The following FNDC3B variants were observed in gnomAD, a reference collection of about 807,000 sequenced individuals.
FNDC3B encodes the protein fibronectin type III domain-containing protein 3B.
In FNDC3B, 12 loss-of-function variants were observed where a neutral mutation model predicts 151.5. The ratio of observed to expected loss-of-function variants is 0.08; its 90% CI spans 0.05 to 0.13. The LOEUF is 0.13. Ranked by LOEUF, FNDC3B falls within the 10% of genes least tolerant of loss-of-function variation. The pLI is 1.00. For synonymous variants in FNDC3B, 528 were observed against 549.0 expected (o/e 0.96, Z 0.54); for missense variants, 1,214 against 1,505.3 (o/e 0.81, Z 3.20).
At chr3:172,107,731 C>G (rs1189658555) in intron 1 of FNDC3B, among the ~76,000 whole-genome samples, 2 of 152,092 alleles carry the variant, frequency 1.3e-5, no homozygotes, top group Admixed American at 6.6e-5. Flanking sequence ...GAAGACTGCA[C>G]AAAGCGCACG....
At chr3:172,145,962 C>T (rs984742979) in intron 3 of FNDC3B, among the ~76,000 whole-genome samples, 1 of 151,784 alleles carries the variant, frequency 6.6e-6, no homozygotes, top group Non-Finnish European at 1.5e-5. Context: ...TACAGGCATG[C>T]GCCACCACGC....
At chr3:172,394,215 G>A (rs534394718) in intron 25 of FNDC3B, among the ~76,000 whole-genome samples, 4 of 148,512 alleles carry the variant, frequency 2.7e-5, no homozygotes, top group Non-Finnish European at 3.0e-5. Flanking sequence ...AGATCCCAAC[G>A]TAACATTATA....
chr3:172,178,683 G>T (rs1428596745), intron 3 of FNDC3B, among the ~76,000 whole-genome samples: 1 of 152,172 alleles, frequency 6.6e-6, no homozygotes, highest in Non-Finnish European at 1.5e-5. Flanking sequence ...ACATTCTTGA[G>T]ATTTTATTAT....
chr3:172,290,503 T>G (rs1730271459), intron 7 of FNDC3B, among the ~76,000 whole-genome samples: 1 of 152,130 alleles, frequency 6.6e-6, no homozygotes, highest in Non-Finnish European at 1.5e-5. Flanking sequence ...CCTTCTCTGG[T>G]GGTGGTGCTA....
chr3:172,371,576 C>G (rs1461030871), intron 23 of FNDC3B, among the ~76,000 whole-genome samples: 2 of 152,216 alleles, frequency 1.3e-5, no homozygotes, highest in Non-Finnish European at 2.9e-5. Context: ...TTTAATGACC[C>G]ACCCAACCTT....
chr3:172,358,404 T>C (rs554796208), intron 22 of FNDC3B, among the ~76,000 whole-genome samples: 7 of 152,372 alleles, frequency 4.6e-5, no homozygotes, highest in East Asian at 1.9e-4. Flanking sequence ...TCAATGTGTG[T>C]AGTGATGGTT....
chr3:172,342,457 C>T (rs1252425791), intron 17 of FNDC3B, among the ~76,000 whole-genome samples: 1 of 152,180 alleles, frequency 6.6e-6, no homozygotes, highest in Non-Finnish European at 1.5e-5. Context: ...GATTTTCTCC[C>T]GTCTCAGGAA....
chr3:172,192,249 T>C (rs1029514804), intron 3 of FNDC3B, among the ~76,000 whole-genome samples: 1 of 150,162 alleles, frequency 6.7e-6, no homozygotes, highest in Non-Finnish European at 1.5e-5. Context: ...CTTGGCTCAC[T>C]GCAACCTCCG....
At chr3:172,295,665 C>T (rs1730566776) in intron 8 of FNDC3B, 151 bp downstream of exon 8, 2 of 690,194 alleles carry the variant, frequency 2.9e-6, no homozygotes, top group Admixed American at 3.0e-5. Flanking sequence ...GCTAAGAATT[C>T]ATTGTGTCCA....
intron 6 of FNDC3B, among the ~76,000 whole-genome samples, chr3:172,256,036 C>A (rs1201427521): frequency 6.6e-6 from 1 of 152,246 alleles, no homozygotes; most frequent in Non-Finnish European, 1.5e-5. Flanking sequence ...TTAAATAGAT[C>A]TCAACATTTT....
chr3:172,150,009 G>A (rs1722139272), intron 3 of FNDC3B, among the ~76,000 whole-genome samples: 1 of 151,724 alleles, frequency 6.6e-6, no homozygotes, highest in South Asian at 2.1e-4. Context: ...AGTAGAGACA[G>A]GGTTTCACCA....
intron 6 of FNDC3B, among the ~76,000 whole-genome samples, chr3:172,262,470 G>A (rs1728694030): frequency 6.6e-6 from 1 of 152,206 alleles, no homozygotes; most frequent in Non-Finnish European, 1.5e-5. Flanking sequence ...GAAGTCTTAA[G>A]TAGAACTTTG....
intron 25 of FNDC3B, among the ~76,000 whole-genome samples, chr3:172,390,556 A>G (rs574010048): frequency 1.3e-5 from 2 of 151,132 alleles, no homozygotes; most frequent in East Asian, 3.9e-4. Context: ...TTTTTTTTAA[A>G]TCTTAACCAG....
intron 3 of FNDC3B, among the ~76,000 whole-genome samples, chr3:172,193,712 G>A (rs1299150839): frequency 1.3e-5 from 2 of 151,888 alleles, no homozygotes; most frequent in Non-Finnish European, 2.9e-5. Flanking sequence ...ACTCCATGTT[G>A]GAAGGGACCT....
At chr3:172,121,007 T>G (rs1720517364) in intron 2 of FNDC3B, among the ~76,000 whole-genome samples, 1 of 152,052 alleles carries the variant, frequency 6.6e-6, no homozygotes, top group Admixed American at 6.5e-5. Flanking sequence ...ATGTTAACAC[T>G]GGGCTGGTCC....
chr3:172,127,315 A>T (rs1476677687), intron 2 of FNDC3B, among the ~76,000 whole-genome samples: 1 of 152,214 alleles, frequency 6.6e-6, no homozygotes. Flanking sequence ...TTGTTGAATT[A>T]TCTCTGTATT....
intron 11 of FNDC3B, among the ~76,000 whole-genome samples, chr3:172,323,027 T>TG (rs1205749588): frequency 0.015 from 2,117 of 143,430 alleles, 63 homozygotes; most frequent in African/African-American, 0.053. Flanking sequence ...AGTGTTTTAG[T>TG]TTTTGTTTGT....
chr3:172,078,496 T>A (rs1477846021), intron 1 of FNDC3B, among the ~76,000 whole-genome samples: 2 of 152,188 alleles, frequency 1.3e-5, no homozygotes, highest in Non-Finnish European at 2.9e-5. Context: ...GGTCGCTGCA[T>A]CAGAAGAAGG....
chr3:172,331,199 T>C (rs768878647), intron 13 of FNDC3B, among the ~76,000 whole-genome samples: 34 of 152,304 alleles, frequency 2.2e-4, no homozygotes, highest in Admixed American at 1.0e-3. Flanking sequence ...GTCAGCACCC[T>C]GCTCAGAATC....
Sources: allele counts gnomAD v4.1 joint callset (sites outside exome capture counted in the v4.1 genomes callset), GRCh38; gene constraint gnomAD v4.1.1; transcripts MANE v1.5; gene names NCBI Gene and HGNC (gene_info 2026-07-23, HGNC 2026-07-21).